The following GALNT13 variants were observed in gnomAD, a reference collection of about 807,000 sequenced individuals.
GALNT13 encodes the protein UDP-GalNAc:polypeptide N-acetylgalactosaminyltransferase 13.
A neutral mutation model predicts 64.2 loss-of-function variants in GALNT13; 28 were observed. The ratio of observed to expected loss-of-function variants is 0.44; its 90% CI spans 0.32 to 0.60. The LOEUF (loss-of-function observed/expected upper bound fraction) is 0.60, where lower values mean the gene tolerates loss of function less well. Among genes scored for constraint, GALNT13 ranks in the 20% least tolerant of loss-of-function variants. The pLI is 0.05. For synonymous variants in GALNT13, 214 were observed against 224.6 expected (o/e 0.95, Z 0.42); for missense variants, 577 against 669.8 (o/e 0.86, Z 1.53).
chr2:153,904,273 A>G (rs1257151667), intron 2 of GALNT13, among the ~76,000 whole-genome samples: 2 of 152,024 alleles, frequency 1.3e-5, no homozygotes, highest in East Asian at 3.9e-4. Context: ...CCCAAATGTA[A>G]TGCTGCCATA....
intron 3 of GALNT13, among the ~76,000 whole-genome samples, chr2:154,031,787 A>G (rs542891079): frequency 5.0e-4 from 76 of 152,128 alleles, no homozygotes; most frequent in Non-Finnish European, 9.0e-4. Context: ...ACTTGAAAGG[A>G]TAAATAGATA....
chr2:154,255,278 G>A (rs1690309304), intron 7 of GALNT13, among the ~76,000 whole-genome samples: 1 of 152,170 alleles, frequency 6.6e-6, no homozygotes, highest in Non-Finnish European at 1.5e-5. Context: ...TGTAGAGGCG[G>A]GAGCAGGATC....
the GALNT13 span, among the ~76,000 whole-genome samples, chr2:153,864,525 C>G: frequency 1.3e-5 from 2 of 152,082 alleles, no homozygotes; most frequent in African/African-American, 4.8e-5. Context: ...TATCCTGAGA[C>G]TTTGCTGAAG....
intron 2 of GALNT13, among the ~76,000 whole-genome samples, chr2:153,929,292 C>T (rs1433160866): frequency 2.0e-5 from 3 of 152,166 alleles, no homozygotes; most frequent in African/African-American, 2.4e-5. Flanking sequence ...CATGTGCTAT[C>T]CCCGGCCTTA....
the GALNT13 span, among the ~76,000 whole-genome samples, chr2:153,575,569 G>T: frequency 6.6e-6 from 1 of 152,088 alleles, no homozygotes; most frequent in Non-Finnish European, 1.5e-5. Flanking sequence ...CAGCTGAGTT[G>T]GTGCTCAAAC....
intron 3 of GALNT13, among the ~76,000 whole-genome samples, chr2:154,035,455 C>G (rs150115997): frequency 3.9e-5 from 6 of 152,132 alleles, no homozygotes; most frequent in African/African-American, 1.4e-4. Flanking sequence ...CAAGTTGTTT[C>G]TCCATCACAG....
chr2:154,230,103 T>C (rs1688839100), intron 4 of GALNT13, among the ~76,000 whole-genome samples: 1 of 152,074 alleles, frequency 6.6e-6, no homozygotes, highest in South Asian at 2.1e-4. Flanking sequence ...GGGTGGATGG[T>C]GGTTTCATTG....
At chr2:153,089,411 T>G in the GALNT13 span, among the ~76,000 whole-genome samples, 2 of 152,184 alleles carry the variant, frequency 1.3e-5, no homozygotes, top group African/African-American at 2.4e-5. Context: ...TCAGATTCTT[T>G]CCTTTGTCTT....
chr2:153,426,109 T>C, the GALNT13 span, among the ~76,000 whole-genome samples: 413 of 152,016 alleles, frequency 2.7e-3, 17 homozygotes, highest in East Asian at 0.073. Context: ...ATTTGGCCAT[T>C]ACATTACTCT....
chr2:153,290,753 G>C, the GALNT13 span, among the ~76,000 whole-genome samples: 1 of 152,114 alleles, frequency 6.6e-6, no homozygotes, highest in Non-Finnish European at 1.5e-5. Flanking sequence ...ACCTTGCATG[G>C]AGTAGTGTTT....
chr2:153,081,796 A>G, the GALNT13 span, among the ~76,000 whole-genome samples: 6 of 152,108 alleles, frequency 3.9e-5, no homozygotes, highest in Non-Finnish European at 8.8e-5. Context: ...TTGCTTCCAA[A>G]TCTTAGTATT....
chr2:154,343,638 A>C (rs552904570), intron 9 of GALNT13, among the ~76,000 whole-genome samples: 1 of 152,026 alleles, frequency 6.6e-6, no homozygotes. Flanking sequence ...TTTGACTTGA[A>C]ACTTACCTAT....
chr2:153,821,126 C>T, the GALNT13 span, among the ~76,000 whole-genome samples: 4 of 152,122 alleles, frequency 2.6e-5, no homozygotes, highest in African/African-American at 9.7e-5. Context: ...AAGATTCATA[C>T]AGCCACACAA....
chr2:153,437,755 A>C, the GALNT13 span, among the ~76,000 whole-genome samples: 1 of 152,148 alleles, frequency 6.6e-6, no homozygotes, highest in Non-Finnish European at 1.5e-5. Context: ...AATACGGCAC[A>C]CTGATGGATC....
intron 9 of GALNT13, among the ~76,000 whole-genome samples, chr2:154,365,256 G>A (rs1210777091): frequency 1.3e-5 from 2 of 152,018 alleles, no homozygotes; most frequent in Admixed American, 6.6e-5. Flanking sequence ...GAATAGATAC[G>A]TTTTTTCCTA....
the GALNT13 span, among the ~76,000 whole-genome samples, chr2:153,312,378 C>T: frequency 2.0e-5 from 3 of 152,120 alleles, no homozygotes; most frequent in East Asian, 3.9e-4. Flanking sequence ...TTTTTTCAAA[C>T]ATAGACACTT....
At chr2:153,234,381 T>C in the GALNT13 span, among the ~76,000 whole-genome samples, 50 of 152,238 alleles carry the variant, frequency 3.3e-4, no homozygotes, top group African/African-American at 1.2e-3. Flanking sequence ...ATTTAGGTCA[T>C]ATGAAAGGCA....
chr2:153,503,909 G>C, the GALNT13 span, among the ~76,000 whole-genome samples: 74 of 151,886 alleles, frequency 4.9e-4, no homozygotes, highest in Middle Eastern at 6.8e-3. Context: ...TTTTTTTCTA[G>C]TTACATGAGG....
chr2:153,628,740 T>C, the GALNT13 span, among the ~76,000 whole-genome samples: 15 of 152,262 alleles, frequency 9.9e-5, no homozygotes, highest in South Asian at 1.0e-3. Flanking sequence ...CTGCTGGATT[T>C]CGTTTGCCAG....
Sources: allele counts gnomAD v4.1 joint callset (sites outside exome capture counted in the v4.1 genomes callset), GRCh38; gene constraint gnomAD v4.1.1; transcripts MANE v1.5; gene names NCBI Gene and HGNC (gene_info 2026-07-23, HGNC 2026-07-21).